LRFN5: variants seen among roughly 807,000 people sequenced by gnomAD.
LRFN5 encodes leucine-rich repeat and fibronectin type-III domain-containing protein 5.
Under a neutral mutation model 45.6 loss-of-function variants are expected in LRFN5, and 24 were observed. That is an observed-to-expected ratio of 0.53 (90% CI 0.38 to 0.74). The LOEUF (loss-of-function observed/expected upper bound fraction) is 0.74. LRFN5 is among the 30% of genes least tolerant of loss of function. The pLI is 0.00. For missense variants in LRFN5, 776 were observed against 861.5 expected, an observed-to-expected ratio of 0.90 and a Z score of 1.24; for synonymous variants, 340 against 313.8, an observed-to-expected ratio of 1.08 and a Z score of -0.88.
intron 1 of LRFN5, among the ~76,000 whole-genome samples, chr14:41,625,341 A>T (rs1888291046): frequency 6.6e-6 from 1 of 152,002 alleles, no homozygotes. Context: ...TTCTCATGAG[A>T]CCCATTGGTT....
intron 1 of LRFN5, among the ~76,000 whole-genome samples, chr14:41,706,568 AT>A: frequency 6.6e-6 from 1 of 152,202 alleles, no homozygotes; most frequent in Non-Finnish European, 1.5e-5. Flanking sequence ...ACATTCCTTT[AT>A]TCATATGTGA....
At chr14:41,716,544 T>G (rs1055288719) in intron 1 of LRFN5, among the ~76,000 whole-genome samples, 5 of 152,128 alleles carry the variant, frequency 3.3e-5, no homozygotes, top group African/African-American at 1.2e-4. Context: ...GTCTCTTTGC[T>G]AAAACATAGC....
chr14:41,846,331 A>G (rs1340950301), intron 2 of LRFN5, among the ~76,000 whole-genome samples: 1 of 152,190 alleles, frequency 6.6e-6, no homozygotes, highest in East Asian at 1.9e-4. Context: ...TTATAATAGC[A>G]CTATTTGAAA....
intron 1 of LRFN5, among the ~76,000 whole-genome samples, chr14:41,645,347 G>T (rs1049221416): frequency 1.3e-5 from 2 of 152,158 alleles, no homozygotes; most frequent in Non-Finnish European, 2.9e-5. Context: ...TGGTCGTCCT[G>T]CCTCAGCCTC....
At chr14:41,902,135 T>A (rs538616120) in intron 5 of LRFN5, among the ~76,000 whole-genome samples, 117 of 151,808 alleles carry the variant, frequency 7.7e-4, no homozygotes, top group Admixed American at 2.7e-3. Flanking sequence ...AATGTCAGGA[T>A]TTTTTTTCTT....
At chr14:41,632,616 A>G (rs1319543976) in intron 1 of LRFN5, among the ~76,000 whole-genome samples, 1 of 152,214 alleles carries the variant, frequency 6.6e-6, no homozygotes, top group East Asian at 1.9e-4. Flanking sequence ...AAACAAAAAT[A>G]AAAGTATGTG....
intron 2 of LRFN5, among the ~76,000 whole-genome samples, chr14:41,874,167 A>G (rs1205783213): frequency 2.0e-5 from 3 of 152,186 alleles, no homozygotes; most frequent in African/African-American, 7.2e-5. Flanking sequence ...TGCATTTCAC[A>G]TTTGTGGCAA....
chr14:41,873,877 A>G (rs187674651), intron 2 of LRFN5, among the ~76,000 whole-genome samples: 67 of 152,306 alleles, frequency 4.4e-4, no homozygotes, highest in African/African-American at 1.5e-3. Context: ...TACAGTTACA[A>G]GAAATGTTAA....
chr14:41,728,902 T>A (rs894810880), intron 1 of LRFN5, among the ~76,000 whole-genome samples: 3 of 152,180 alleles, frequency 2.0e-5, no homozygotes, highest in Non-Finnish European at 2.9e-5. Context: ...TAGAAATGAA[T>A]TCACTAACCA....
At chr14:41,718,399 T>C (rs1004043947) in intron 1 of LRFN5, among the ~76,000 whole-genome samples, 7 of 152,196 alleles carry the variant, frequency 4.6e-5, no homozygotes, top group Non-Finnish European at 1.0e-4. Flanking sequence ...ATTAAGTACC[T>C]GTTCTTTGAT....
At chr14:41,786,543 GT>G (rs71105403) in intron 2 of LRFN5, among the ~76,000 whole-genome samples, 274 of 142,444 alleles carry the variant, frequency 1.9e-3, no homozygotes, top group African/African-American at 5.7e-3. Flanking sequence ...CTCTTTATGA[GT>G]TTTTTTTTTT....
At chr14:41,877,551 T>A (rs1435447978) in intron 2 of LRFN5, among the ~76,000 whole-genome samples, 1 of 152,136 alleles carries the variant, frequency 6.6e-6, no homozygotes, top group East Asian at 1.9e-4. Context: ...TTTGTGTAAG[T>A]AATTGGTGTC....
intron 1 of LRFN5, among the ~76,000 whole-genome samples, chr14:41,745,689 G>A (rs1425704147): frequency 1.3e-5 from 2 of 151,960 alleles, no homozygotes; most frequent in African/African-American, 4.8e-5. Context: ...TGAAAGTGGA[G>A]ATGTTACTAA....
intron 3 of LRFN5, among the ~76,000 whole-genome samples, chr14:41,889,546 A>T (rs1472761813): frequency 6.6e-6 from 1 of 152,172 alleles, no homozygotes; most frequent in Non-Finnish European, 1.5e-5. Context: ...TATATATTTT[A>T]AACATTAGCT....
intron 4 of LRFN5, among the ~76,000 whole-genome samples, chr14:41,897,414 T>C (rs1378858602): frequency 2.0e-5 from 3 of 151,890 alleles, no homozygotes; most frequent in African/African-American, 4.8e-5. Flanking sequence ...AAATTTAGGA[T>C]CTAAAGTTAA....
intron 1 of LRFN5, among the ~76,000 whole-genome samples, chr14:41,681,042 T>C (rs1881861241): frequency 6.6e-6 from 1 of 151,924 alleles, no homozygotes; most frequent in Admixed American, 6.6e-5. Context: ...TTAGCGAGTT[T>C]GAATACAGGC....
chr14:41,846,754 ATC>A (rs760972711), intron 2 of LRFN5, among the ~76,000 whole-genome samples: 15 of 152,160 alleles, frequency 9.9e-5, no homozygotes, highest in South Asian at 2.1e-4. Context: ...GTAGAGCAGA[ATC>A]TGTCTTCTGT....
At chr14:41,872,175 A>G (rs922486245) in intron 2 of LRFN5, among the ~76,000 whole-genome samples, 2 of 152,328 alleles carry the variant, frequency 1.3e-5, no homozygotes, top group Admixed American at 6.5e-5. Context: ...TTTTTGTTAC[A>G]GCTTACAGCT....
chr14:41,720,721 T>C (rs1232512624), intron 1 of LRFN5, among the ~76,000 whole-genome samples: 1 of 152,182 alleles, frequency 6.6e-6, no homozygotes, highest in African/African-American at 2.4e-5. Flanking sequence ...GATATATATT[T>C]TTATTCCACT....
Sources: allele counts gnomAD v4.1 joint callset (sites outside exome capture counted in the v4.1 genomes callset), GRCh38; gene constraint gnomAD v4.1.1; transcripts MANE v1.5; gene names NCBI Gene and HGNC (gene_info 2026-07-23, HGNC 2026-07-21).